EMC7: variants seen among roughly 807,000 people sequenced by gnomAD.
EMC7 encodes endoplasmic reticulum membrane protein complex subunit 7.
Under a neutral mutation model 24.4 loss-of-function variants are expected in EMC7, and 4 were observed. The ratio of observed to expected loss-of-function variants is 0.16; its 90% confidence interval spans 0.08 to 0.38. The LOEUF is 0.38. Among genes scored for constraint, EMC7 ranks in the 10% least tolerant of loss-of-function variants. The probability of loss-of-function intolerance (pLI) is 1.00; values close to 1 mark genes in which losing one functional copy is unlikely to be tolerated. For missense variants in EMC7, 221 were observed against 300.6 expected (o/e 0.74, Z 1.96); for synonymous variants, 106 against 112.0 (o/e 0.95, Z 0.34).
chr15:34,089,379 A>G (rs1027791795), intron 3 of EMC7, among the ~76,000 whole-genome samples: 2 of 152,180 alleles, frequency 1.3e-5, no homozygotes, highest in African/African-American at 4.8e-5. Context: ...ATTAATACAC[A>G]TCGTATGCCT....
chr15:34,095,765 A>T, intron 2 of EMC7, 130 bp downstream of exon 2: 1 of 824,374 alleles, frequency 1.2e-6, no homozygotes, highest in Non-Finnish European at 1.7e-6. Context: ...AGGATATTTT[A>T]AGTGTTTTAA....
chr15:34,098,679 G>C (rs1461560300), intron 1 of EMC7, among the ~76,000 whole-genome samples: 7 of 147,878 alleles, frequency 4.7e-5, no homozygotes, highest in South Asian at 2.2e-4. Context: ...ATGTTGGCCA[G>C]GCTGGTCTCG....
At chr15:34,096,779 G>A (rs891759717) in intron 1 of EMC7, among the ~76,000 whole-genome samples, 3 of 151,696 alleles carry the variant, frequency 2.0e-5, no homozygotes, top group Non-Finnish European at 4.4e-5. Flanking sequence ...CCTGAGGTTG[G>A]GAGTTAGAGA....
intron 3 of EMC7, among the ~76,000 whole-genome samples, chr15:34,088,468 C>CTT (rs11423386): frequency 0.17 from 24,828 of 142,034 alleles, 3,044 homozygotes; most frequent in African/African-American, 0.34. Flanking sequence ...TATCTATTCC[C>CTT]TTTTTTTTTT....
chr15:34,099,880 G>A (rs1901147639), intron 1 of EMC7, among the ~76,000 whole-genome samples: 1 of 152,074 alleles, frequency 6.6e-6, no homozygotes, highest in South Asian at 2.1e-4. Flanking sequence ...AAGATTACAG[G>A]TATGAGCCAC....
chr15:34,101,835 G>A lies in EMC7; in HGVS notation c.5C>T (p.Ala2Val), dbSNP rs775691710. M[A>V]AALWGFFPVL... ...GGGAAAGAAGCCCCACAGAGCGGCC[G>A]CCATGACAGCAGCTCTGCACTCAGA... Residue 2 changes from alanine (A) to valine (V), a missense_variant, in exon 1 of 5, where the codon GCG becomes GTG. Coordinates refer to ENST00000256545, the MANE Select transcript of EMC7 (RefSeq NM_020154.3). 6.2e-7 allele frequency: 1 copy of A among 1,601,934 alleles called. No homozygotes were observed. The highest frequency in any genetic ancestry group is 1.1e-5 in the South Asian group (1 of 90,374).
chr15:34,089,990 C>T (rs1471548482), intron 3 of EMC7, among the ~76,000 whole-genome samples: 4 of 152,032 alleles, frequency 2.6e-5, no homozygotes, highest in African/African-American at 9.7e-5. Context: ...ACAAAAAATA[C>T]GCAGGTAGTA....
At chr15:34,084,564 G>C in intron 4 of EMC7, 78 bp from the exon 5 acceptor site, 1 of 1,496,930 alleles carries the variant, frequency 6.7e-7, no homozygotes. Flanking sequence ...TAAGGAAAAA[G>C]TAAAGGAGTA....
chr15:34,097,453 C>G (rs1901094459), intron 1 of EMC7, among the ~76,000 whole-genome samples: 1 of 152,194 alleles, frequency 6.6e-6, no homozygotes, highest in African/African-American at 2.4e-5. Flanking sequence ...TAGTTAAAAA[C>G]ATCCATCTTT....
rs768897338 is a variant in EMC7, at chr15:34,084,288, C to A, written c.*46G>T. Reference sequence around the variant, plus strand: ...ACGGTTTTCCAAGACTTGGATGCCACCCAGTGTTGCCGTGTTTGTGCAAAT... The same window carrying A: ...ACGGTTTTCCAAGACTTGGATGCCAACCAGTGTTGCCGTGTTTGTGCAAAT... On this transcript the variant is annotated 3_prime_UTR_variant, in exon 5 of 5. Coordinates refer to ENST00000256545, the MANE Select transcript of EMC7 (RefSeq NM_020154.3). The A allele has an allele frequency of 2.5e-6, 4 of 1,580,404 alleles. No homozygotes were observed. The highest frequency in any genetic ancestry group is 3.5e-6 in the Non-Finnish European group (4 of 1,158,738).
At position 34,100,158 on chromosome 15, in the gene EMC7, T is replaced by C. The variant is rs540425354; in HGVS notation, c.236+1446A>G. On this transcript the variant is annotated intron_variant, in intron 1 of 4. Transcript: ENST00000256545. ...GAGTTTGAGACCACACTGGGCAACA[T>C]AGCAAGACCCTGTCTCTACAAAAAA... is the stretch of plus-strand genomic sequence containing the variant. Among the ~76,000 whole-genome samples, 4 of 152,242 alleles carry C rather than the reference T, an allele frequency of 2.6e-5. No homozygotes were observed. The South Asian group carries it at 8.3e-4, about 31-fold the overall frequency.
rs535226706 is a variant in EMC7, at chr15:34,095,398, C to A, written c.356+497G>T. ...TCACAGTCTAAATTAGACTATAGTTCTTTTCACCTCAATTGTTTTCCCTAG... is the reference window on the plus strand; with the variant it reads ...TCACAGTCTAAATTAGACTATAGTTATTTTCACCTCAATTGTTTTCCCTAG... On this transcript the variant is annotated intron_variant, in intron 2 of 4. Coordinates refer to ENST00000256545, the MANE Select transcript of EMC7 (RefSeq NM_020154.3). 7.9e-5 allele frequency among the ~76,000 whole-genome samples: 12 copies of A among 152,260 alleles called. No individual in the cohort carries two copies. In the South Asian group the frequency reaches 2.3e-3, roughly 29 times the overall value.
At chr15:34,092,976 A>C (rs1372961945) in intron 2 of EMC7, among the ~76,000 whole-genome samples, 1 of 152,212 alleles carries the variant, frequency 6.6e-6, no homozygotes. Context: ...TACATTAGCC[A>C]ACAGTGGCAA....
intron 2 of EMC7, among the ~76,000 whole-genome samples, chr15:34,093,823 A>ATATATAT (rs1190830993): frequency 1.0e-4 from 5 of 48,708 alleles, no homozygotes; most frequent in South Asian, 1.1e-3. Flanking sequence ...ATATATATAT[A>ATATATAT]TTTTTTTTTT....
Position 34,084,205 on chromosome 15 carries a change from A to G in EMC7, c.*129T>C, listed in dbSNP as rs1025816227. On this transcript the variant is annotated 3_prime_UTR_variant, in exon 5 of 5. Transcript: ENST00000256545. ...ACAAAACATGTGCTAAAAAGTTAAC[A>G]TACACAGTTGTAAGAGATCAACGTC... 8.5e-7 allele frequency: 1 copy of G among 1,171,190 alleles called. No individual in the cohort carries two copies. The highest frequency in any genetic ancestry group is 1.2e-6 in the Non-Finnish European group (1 of 848,658). 72.5% of individuals were successfully genotyped at this position (1,171,190 alleles called of 1,614,324 possible). A position where few individuals can be genotyped will look rare whatever the true frequency, so the allele number is the denominator to read the frequency against.
chr15:34,093,959 T>C (rs950283810), intron 2 of EMC7, among the ~76,000 whole-genome samples: 15 of 149,868 alleles, frequency 1.0e-4, no homozygotes, highest in Admixed American at 3.3e-4. Context: ...TTTGAGGCTG[T>C]AGCGGGCTAT....
chr15:34,084,833 T>C (rs1488436148), intron 4 of EMC7, among the ~76,000 whole-genome samples: 1 of 152,094 alleles, frequency 6.6e-6, no homozygotes, highest in East Asian at 1.9e-4. Flanking sequence ...GCCATGTTGG[T>C]GTGCTGCACC....
chr15:34,094,546 C>CA (rs1193244596), intron 2 of EMC7, among the ~76,000 whole-genome samples: 4 of 151,604 alleles, frequency 2.6e-5, no homozygotes, highest in Non-Finnish European at 5.9e-5. Flanking sequence ...AACAAACAAA[C>CA]AAAAAATCAG....
At chr15:34,096,192 A>T (rs952682422) in intron 1 of EMC7, among the ~76,000 whole-genome samples, 178 bp from the exon 2 acceptor site, 1 of 152,216 alleles carries the variant, frequency 6.6e-6, no homozygotes, top group African/African-American at 2.4e-5. Flanking sequence ...TTCTTTTGAG[A>T]CGGAGTCTCG....
Sources: gnomAD v4.1 joint callset for allele counts (sites outside exome capture counted in the v4.1 genomes callset) on GRCh38, gnomAD v4.1.1 for gene constraint, MANE v1.5 for transcripts, NCBI Gene and HGNC (gene_info 2026-07-23, HGNC 2026-07-21) for gene names.